The following FAM241A variants were observed in gnomAD, a reference collection of about 807,000 sequenced individuals.
FAM241A encodes family with sequence similarity 241 member A, also known as uncharacterized protein FAM241A.
Under a neutral mutation model 12.2 loss-of-function variants are expected in FAM241A, and 7 were observed. The observed-to-expected ratio is 0.58, with a 90% confidence interval of 0.33 to 1.08. The LOEUF (loss-of-function observed/expected upper bound fraction) is 1.08, where lower values mean the gene tolerates loss of function less well. Among genes scored for constraint, FAM241A ranks in the 50% least tolerant of loss-of-function variants. The pLI is 0.04. For synonymous variants in FAM241A, 74 were observed against 68.2 expected, an observed-to-expected ratio of 1.08 and a Z score of -0.42; for missense variants, 161 against 169.7, an observed-to-expected ratio of 0.95 and a Z score of 0.29.
chr4:112,175,824 G>A (rs748912485), intron 1 of FAM241A, among the ~76,000 whole-genome samples: 3 of 151,952 alleles, frequency 2.0e-5, no homozygotes, highest in Non-Finnish European at 4.4e-5. Context: ...GCTGGGGAAT[G>A]GAGACATCTT....
At chr4:112,158,492 A>G (rs1264628403) in intron 1 of FAM241A, among the ~76,000 whole-genome samples, 1 of 152,120 alleles carries the variant, frequency 6.6e-6, no homozygotes, top group Non-Finnish European at 1.5e-5. Context: ...GATCTAAGTC[A>G]AGATAGAAGG....
At chr4:112,177,129 C>T in intron 1 of FAM241A, among the ~76,000 whole-genome samples, 1 of 152,038 alleles carries the variant, frequency 6.6e-6, no homozygotes, top group Non-Finnish European at 1.5e-5. Context: ...TAACTTGCTG[C>T]AAATAGCTTT....
At chr4:112,168,694 G>T (rs1252581339) in intron 1 of FAM241A, among the ~76,000 whole-genome samples, 1 of 151,836 alleles carries the variant, frequency 6.6e-6, no homozygotes, top group African/African-American at 2.4e-5. Flanking sequence ...GACAGTGTTT[G>T]GCTGTTGTTG....
intron 1 of FAM241A, among the ~76,000 whole-genome samples, chr4:112,151,780 G>A (rs577635942): frequency 3.3e-5 from 5 of 152,136 alleles, no homozygotes; most frequent in Non-Finnish European, 7.3e-5. Flanking sequence ...CCTAGGCCAC[G>A]TTATTTGCTG....
At chr4:112,186,457 T>C (rs1339692705) in intron 1 of FAM241A, among the ~76,000 whole-genome samples, 1 of 152,134 alleles carries the variant, frequency 6.6e-6, no homozygotes, top group African/African-American at 2.4e-5. Context: ...CAGAAAAGGG[T>C]GTTCTGAAAT....
intron 1 of FAM241A, among the ~76,000 whole-genome samples, chr4:112,155,910 A>G (rs559819400): frequency 4.6e-5 from 7 of 152,220 alleles, no homozygotes; most frequent in Non-Finnish European, 8.8e-5. Context: ...AGATACTATT[A>G]TTGCCCCTAC....
At chr4:112,180,551 G>T (rs954932325) in intron 1 of FAM241A, among the ~76,000 whole-genome samples, 1 of 152,062 alleles carries the variant, frequency 6.6e-6, no homozygotes, top group Non-Finnish European at 1.5e-5. Context: ...GTGGCGAAAA[G>T]CTAGGTTTTT....
chr4:112,165,672 A>G (rs1306090495), intron 1 of FAM241A, among the ~76,000 whole-genome samples: 1 of 152,192 alleles, frequency 6.6e-6, no homozygotes, highest in African/African-American at 2.4e-5. Flanking sequence ...CAAACATCGC[A>G]TATTCTTACT....
In FAM241A at chr4:112,190,406, G is replaced by T. The variant is rs72664578; in HGVS notation, c.*3468G>T. 14,947 of 151,916 alleles carry T rather than the reference G, an allele frequency of 0.098. 924 individuals carry two copies. Among genetic ancestry groups the T allele is most frequent in the African/African-American group, 0.16 (6,765 of 41,422 alleles). 9.4% of individuals were successfully genotyped at this position (151,916 alleles called of 1,614,324 possible). On this transcript the variant is annotated 3_prime_UTR_variant, in exon 2 of 2. Coordinates refer to ENST00000309733, the MANE Select transcript of FAM241A (RefSeq NM_152400.3). ...AAAAAAATGTAAGACGGCCAGGCGCGGTGGCTCATCCCTATAAAAGTGCTG... is the reference window on the plus strand; with the variant it reads ...AAAAAAATGTAAGACGGCCAGGCGCTGTGGCTCATCCCTATAAAAGTGCTG...
intron 1 of FAM241A, among the ~76,000 whole-genome samples, chr4:112,151,232 G>T (rs1723239733): frequency 6.6e-6 from 1 of 151,906 alleles, no homozygotes; most frequent in Non-Finnish European, 1.5e-5. Context: ...AAGAATCTGG[G>T]ACCTCTCTCC....
At chr4:112,168,182 A>T (rs1174640709) in intron 1 of FAM241A, among the ~76,000 whole-genome samples, 1 of 152,170 alleles carries the variant, frequency 6.6e-6, no homozygotes, top group African/African-American at 2.4e-5. Context: ...AAATAAGGTG[A>T]CTTTATGTAG....
intron 1 of FAM241A, among the ~76,000 whole-genome samples, chr4:112,154,311 A>C (rs1723307514): frequency 6.6e-6 from 1 of 152,110 alleles, no homozygotes. Context: ...TTTGTTGCCC[A>C]AGCAGGAGTG....
At chr4:112,148,858 G>A (rs1045428061) in intron 1 of FAM241A, among the ~76,000 whole-genome samples, 11 of 152,156 alleles carry the variant, frequency 7.2e-5, no homozygotes, top group African/African-American at 2.7e-4. Flanking sequence ...AATGTCAATA[G>A]CATCTGCTTA....
At chr4:112,163,173 G>C (rs959176181) in intron 1 of FAM241A, among the ~76,000 whole-genome samples, 2 of 152,170 alleles carry the variant, frequency 1.3e-5, no homozygotes, top group African/African-American at 4.8e-5. Flanking sequence ...ATGGATTAAA[G>C]ACTTAAATAT....
Position 112,187,206 on chromosome 4 carries a change from A to G in FAM241A, c.*268A>G. ...GTCTCCTTTATACACCTCTATCCCCATGCCAAATCTTAAGTAACACCACCA... is the reference window on the plus strand; with the variant it reads ...GTCTCCTTTATACACCTCTATCCCCGTGCCAAATCTTAAGTAACACCACCA... On this transcript the variant is annotated 3_prime_UTR_variant, in exon 2 of 2. Coordinates refer to ENST00000309733, the MANE Select transcript of FAM241A (RefSeq NM_152400.3). 3.1e-6 allele frequency: 1 copy of G among 319,098 alleles called. No homozygotes were observed. The highest frequency in any genetic ancestry group is 5.7e-6 in the Non-Finnish European group (1 of 175,584). The allele number at this position is 319,098 out of a possible 1,614,324, so 19.8% of individuals were successfully genotyped here. A position where few individuals can be genotyped will look rare whatever the true frequency, so the allele number is the denominator to read the frequency against.
chr4:112,147,967 G>C (rs1723173667), intron 1 of FAM241A, among the ~76,000 whole-genome samples: 1 of 152,092 alleles, frequency 6.6e-6, no homozygotes. Context: ...TTAGAGGCAG[G>C]AGCTAGCAGA....
chr4:112,149,816 T>A (rs1313343278), intron 1 of FAM241A, among the ~76,000 whole-genome samples: 1 of 152,018 alleles, frequency 6.6e-6, no homozygotes, highest in Non-Finnish European at 1.5e-5. Context: ...TTTTTAGTCA[T>A]TTTTTTTCTT....
chr4:112,164,341 T>G (rs892038776), intron 1 of FAM241A, among the ~76,000 whole-genome samples: 4 of 150,258 alleles, frequency 2.7e-5, no homozygotes, highest in African/African-American at 9.8e-5. Flanking sequence ...GAGCAAACGA[T>G]CGCAAGGACA....
rs1038684910 is a variant in FAM241A, at chr4:112,195,100, A to T, written c.*8162A>T. 1 of 152,234 alleles carries T rather than the reference A, an allele frequency of 6.6e-6. No individual in the cohort carries two copies. The highest frequency in any genetic ancestry group is 1.5e-5 in the Non-Finnish European group (1 of 68,060). 9.4% of individuals were successfully genotyped at this position (152,234 alleles called of 1,614,324 possible). A position where few individuals can be genotyped will look rare whatever the true frequency, so the allele number is the denominator to read the frequency against. ...ATTTTAATTTTTACAAAAAACTCTT[A>T]AACTTTTTTGTGAGCAGAAATTCTC... is the stretch of plus-strand genomic sequence containing the variant. On this transcript the variant is annotated 3_prime_UTR_variant, in exon 2 of 2. Coordinates refer to ENST00000309733, the MANE Select transcript of FAM241A (RefSeq NM_152400.3).
Sources: gnomAD v4.1 joint callset for allele counts (sites outside exome capture counted in the v4.1 genomes callset) on GRCh38, gnomAD v4.1.1 for gene constraint, MANE v1.5 for transcripts, NCBI Gene and HGNC (gene_info 2026-07-23, HGNC 2026-07-21) for gene names.